SNCAIP: variants seen among roughly 807,000 people sequenced by gnomAD.
The protein encoded by SNCAIP is synuclein alpha interacting protein, also known as synphilin-1.
SNCAIP carries 43 observed loss-of-function variants against 86.7 expected under a neutral mutation model. That is an observed-to-expected ratio of 0.50 (90% CI 0.39 to 0.64). SNCAIP has a LOEUF of 0.64. SNCAIP is among the 30% of genes least tolerant of loss of function. The pLI, the probability that SNCAIP is intolerant of heterozygous loss-of-function variation, is 0.00. For missense variants in SNCAIP, 981 were observed against 1,103.1 expected (o/e 0.89, Z 1.57); for synonymous variants, 417 against 427.2 (o/e 0.98, Z 0.29).
chr5:122,337,482 T>C (rs1255874541), intron 1 of SNCAIP, among the ~76,000 whole-genome samples: 2 of 152,154 alleles, frequency 1.3e-5, no homozygotes, highest in African/African-American at 4.8e-5. Flanking sequence ...GTGATGCAAC[T>C]TCATTGCTCT....
chr5:122,345,775 C>A (rs772885880), intron 1 of SNCAIP, among the ~76,000 whole-genome samples: 1 of 152,126 alleles, frequency 6.6e-6, no homozygotes, highest in Non-Finnish European at 1.5e-5. Flanking sequence ...ATCCTCCTGC[C>A]TTAGCCTCCC....
At chr5:122,437,757 G>A (rs779084885) in intron 6 of SNCAIP, among the ~76,000 whole-genome samples, 1 of 152,296 alleles carries the variant, frequency 6.6e-6, no homozygotes, top group South Asian at 2.1e-4. Context: ...AATATAGGTT[G>A]AACCTGACTT....
At chr5:122,401,187 G>T (rs1162525713) in intron 2 of SNCAIP, 13 of 1,471,308 alleles carry the variant, frequency 8.8e-6, no homozygotes, top group Non-Finnish European at 1.2e-5. Flanking sequence ...CTGGGATGAA[G>T]GCCTGGGAAG....
At chr5:122,427,785 T>A (rs751633427) in intron 5 of SNCAIP, among the ~76,000 whole-genome samples, 4 of 152,174 alleles carry the variant, frequency 2.6e-5, no homozygotes, top group African/African-American at 4.8e-5. Flanking sequence ...GCTAAGATAA[T>A]ATGACTTGGC....
rs186905494 is a variant in SNCAIP at position 122,365,884 on chromosome 5, G to A, written c.-46-25205G>A. 5.9e-5 allele frequency among the ~76,000 whole-genome samples: 9 copies of A among 152,262 alleles called. 1 individual carries two copies. Among genetic ancestry groups the A allele is most frequent in the Admixed American group, 3.3e-4 (5 of 15,290 alleles). On this transcript the variant is annotated intron_variant, in intron 1 of 10. Transcript: ENST00000261368. ...AATAGGAAGTCATGGTAAGTATGTC[G>A]AGCGTCATTTGCTGGGGAATTTTTC...
chr5:122,346,968 G>A (rs1758733947), intron 1 of SNCAIP, among the ~76,000 whole-genome samples: 1 of 151,972 alleles, frequency 6.6e-6, no homozygotes. Flanking sequence ...GAAAGCAATT[G>A]TCAATGGATT....
intron 1 of SNCAIP, among the ~76,000 whole-genome samples, chr5:122,356,669 G>A (rs1761079811): frequency 6.6e-6 from 1 of 152,088 alleles, no homozygotes; most frequent in African/African-American, 2.4e-5. Context: ...CATTGTTGTT[G>A]TAATAAGCTC....
At chr5:122,329,415 C>CA (rs1754811519) in intron 1 of SNCAIP, among the ~76,000 whole-genome samples, 1 of 152,170 alleles carries the variant, frequency 6.6e-6, no homozygotes, top group Admixed American at 6.5e-5. Flanking sequence ...TCGAAACACT[C>CA]AAAAAGCCTT....
intron 3 of SNCAIP, among the ~76,000 whole-genome samples, chr5:122,404,417 C>T (rs1261012451): frequency 1.3e-5 from 2 of 152,056 alleles, no homozygotes; most frequent in Non-Finnish European, 2.9e-5. Flanking sequence ...ACCAGCTGGT[C>T]GACCTTTTCT....
chr5:122,371,181 C>T (rs1764191240), intron 1 of SNCAIP, among the ~76,000 whole-genome samples: 1 of 151,982 alleles, frequency 6.6e-6, no homozygotes, highest in African/African-American at 2.4e-5. Flanking sequence ...TGAACATGCT[C>T]CTGTAGTCCC....
intron 3 of SNCAIP, among the ~76,000 whole-genome samples, chr5:122,404,191 A>G (rs370516074): frequency 3.3e-5 from 5 of 152,204 alleles, no homozygotes; most frequent in African/African-American, 1.2e-4. Context: ...ACAAAACATA[A>G]TGATGCAGGC....
chr5:122,403,691 T>G, intron 2 of SNCAIP, 102 bp from the exon 3 acceptor site: 1 of 921,578 alleles, frequency 1.1e-6, no homozygotes, highest in Admixed American at 1.7e-5. Context: ...ATACATGTTG[T>G]GCCCAAGTAT....
rs12516864 is a variant in SNCAIP at position 122,411,460 on chromosome 5, A to G, written c.130+7595A>G. Among the ~76,000 whole-genome samples, 1,106 of 152,268 alleles carry G rather than the reference A, an allele frequency of 7.3e-3. 29 individuals are homozygous for G. Among genetic ancestry groups the G allele is most frequent in the Admixed American group, 0.031 (472 of 15,302 alleles). On this transcript the variant is annotated intron_variant, in intron 3 of 10. Transcript: ENST00000261368. ...TCTGACAGCACCCCAGTTCTTCCTG[A>G]AAGCATACCCTTTTGCTTTTGTCTC...
chr5:122,461,760 C>A (rs1374658233), intron 10 of SNCAIP, among the ~76,000 whole-genome samples: 1 of 149,850 alleles, frequency 6.7e-6, no homozygotes, highest in Non-Finnish European at 1.5e-5. Context: ...CTCACTGCAA[C>A]CTCTGCCTCC....
At chr5:122,342,816 G>A (rs1039203148) in intron 1 of SNCAIP, among the ~76,000 whole-genome samples, 7 of 152,074 alleles carry the variant, frequency 4.6e-5, no homozygotes, top group East Asian at 1.9e-4. Flanking sequence ...TTTGTCACTC[G>A]TTTTCATGGT....
intron 5 of SNCAIP, among the ~76,000 whole-genome samples, chr5:122,428,826 T>C (rs1157753560): frequency 1.3e-5 from 2 of 151,714 alleles, no homozygotes; most frequent in African/African-American, 2.4e-5. Context: ...CCCACCTATA[T>C]GTGAGAACAT....
chr5:122,437,467 ACTT>A (rs1779762366), intron 6 of SNCAIP: 2 of 152,162 alleles, frequency 1.3e-5, no homozygotes, highest in Non-Finnish European at 2.9e-5. Flanking sequence ...TTTGGGGAGT[ACTT>A]CTCTGCATTG....
At chr5:122,445,639 A>T (rs1256838789) in intron 8 of SNCAIP, among the ~76,000 whole-genome samples, 121 of 136,480 alleles carry the variant, frequency 8.9e-4, no homozygotes, top group Admixed American at 8.8e-3. Context: ...TCTTACCTTT[A>T]AGTTTTACAC....
At chr5:122,342,706 G>A (rs1355642626) in intron 1 of SNCAIP, among the ~76,000 whole-genome samples, 1 of 152,122 alleles carries the variant, frequency 6.6e-6, no homozygotes, top group Non-Finnish European at 1.5e-5. Flanking sequence ...TGGCTCCAAA[G>A]CCCATGTCCT....
Sources: gnomAD v4.1 joint callset for allele counts (sites outside exome capture counted in the v4.1 genomes callset) on GRCh38, gnomAD v4.1.1 for gene constraint, MANE v1.5 for transcripts, NCBI Gene and HGNC (gene_info 2026-07-23, HGNC 2026-07-21) for gene names.